CISD1: variants seen among roughly 807,000 people sequenced by gnomAD.
CISD1 encodes the protein CDGSH iron sulfur domain 1.
In CISD1, 8 loss-of-function variants were observed where a neutral mutation model predicts 12.0. The observed-to-expected ratio is 0.67, with a 90% CI of 0.39 to 1.20. The LOEUF is 1.20. Ranked by LOEUF, CISD1 falls within the 50% of genes most tolerant of loss-of-function variation. The pLI is 0.01. For synonymous variants in CISD1, 38 were observed against 42.2 expected (o/e 0.90, Z 0.39); for missense variants, 107 against 132.7 (o/e 0.81, Z 0.95).
rs1429453314 is a variant in CISD1 at position 58,269,163 on chromosome 10, G to C, written c.-111G>C. On this transcript the variant is annotated 5_prime_UTR_variant, in exon 1 of 3. Coordinates refer to ENST00000333926, the MANE Select transcript of CISD1 (RefSeq NM_018464.5). ...GACCCGCCGCGGCGCCTGCGCGGTA[G>C]CATCGCGGAGTCGGTGCTTTAGTAC... 18 of 1,156,216 alleles carry C rather than the reference G, an allele frequency of 1.6e-5. No individual in the cohort carries two copies. Among genetic ancestry groups the C allele is most frequent in the Middle Eastern group, 2.8e-4 (1 of 3,592 alleles). 71.6% of individuals were successfully genotyped at this position (1,156,216 alleles called of 1,614,324 possible).
At chr10:58,282,893 C>T (rs1339508000) in intron 2 of CISD1, 4 of 152,170 alleles carry the variant, frequency 2.6e-5, no homozygotes, top group Non-Finnish European at 1.5e-5. Context: ...TTCCCTGCAA[C>T]TTCAGGTTGG....
At chr10:58,270,657 G>GA (rs1369177847) in intron 1 of CISD1, among the ~76,000 whole-genome samples, 1 of 152,198 alleles carries the variant, frequency 6.6e-6, no homozygotes, top group Non-Finnish European at 1.5e-5. Flanking sequence ...TGAAACGGGT[G>GA]AACCCCTTAG....
chr10:58,270,744 T>G (rs890650625), intron 1 of CISD1, among the ~76,000 whole-genome samples: 13 of 152,384 alleles, frequency 8.5e-5, no homozygotes, highest in Admixed American at 7.8e-4. Flanking sequence ...TGTTTTGTTT[T>G]TCAAGTCTAA....
chr10:58,278,225 T>C (rs1815610), intron 2 of CISD1, among the ~76,000 whole-genome samples: 51,471 of 152,032 alleles, frequency 0.34, 10,966 homozygotes, highest in African/African-American at 0.61. Flanking sequence ...CACTGTACTA[T>C]CACTCTTAGC....
At position 58,269,191 on chromosome 10, in the gene CISD1, C is replaced by A. The variant is rs1038808983; in HGVS notation, c.-83C>A. The A allele has an allele frequency of 2.1e-6, 3 of 1,451,150 alleles. No individual in the cohort carries two copies. The highest frequency in any genetic ancestry group is 2.9e-6 in the Non-Finnish European group (3 of 1,045,898). The allele number at this position is 1,451,150 out of a possible 1,614,324, so 89.9% of individuals were successfully genotyped here. A position where few individuals can be genotyped will look rare whatever the true frequency, so the allele number is the denominator to read the frequency against. On this transcript the variant is annotated 5_prime_UTR_variant, in exon 1 of 3. Coordinates refer to ENST00000333926, the MANE Select transcript of CISD1 (RefSeq NM_018464.5). ...TCGCGGAGTCGGTGCTTTAGTACGC[C>A]GCTGGCACCTTTACTCTCGCCGGCC...
intron 2 of CISD1, among the ~76,000 whole-genome samples, chr10:58,283,246 C>A (rs1839392821): frequency 6.6e-6 from 1 of 152,058 alleles, no homozygotes. Flanking sequence ...AAACGATATT[C>A]TGAATGTTGG....
chr10:58,276,414 A>G (rs751573463), intron 1 of CISD1, among the ~76,000 whole-genome samples: 24 of 151,970 alleles, frequency 1.6e-4, no homozygotes, highest in Non-Finnish European at 4.4e-5. Context: ...GTTTTCTACA[A>G]AATATGAAGT....
intron 2 of CISD1, among the ~76,000 whole-genome samples, chr10:58,278,038 GA>G (rs1332276963): frequency 1.3e-5 from 2 of 152,134 alleles, no homozygotes; most frequent in East Asian, 3.9e-4. Context: ...TTTCTTATAT[GA>G]GAATTGTATT....
intron 2 of CISD1, chr10:58,282,868 T>C (rs1839388090): frequency 6.6e-6 from 1 of 152,158 alleles, no homozygotes; most frequent in South Asian, 2.1e-4. Context: ...TGGGATGTAG[T>C]ATTGCTAGGT....
intron 1 of CISD1, among the ~76,000 whole-genome samples, chr10:58,274,111 C>CG (rs1839282585): frequency 1.3e-5 from 2 of 151,558 alleles, no homozygotes; most frequent in Admixed American, 1.3e-4. Flanking sequence ...CCAGCCTGGG[C>CG]AACAGAGCAA....
At chr10:58,286,666 A>C (rs183266479) in intron 2 of CISD1, among the ~76,000 whole-genome samples, 34 of 152,300 alleles carry the variant, frequency 2.2e-4, no homozygotes, top group Admixed American at 1.3e-3. Flanking sequence ...ACACTCTGCA[A>C]AACACTATGT....
At chr10:58,271,319 C>T (rs1450218840) in intron 1 of CISD1, among the ~76,000 whole-genome samples, 10 of 152,052 alleles carry the variant, frequency 6.6e-5, no homozygotes, top group Non-Finnish European at 1.5e-4. Context: ...GGATTACAGG[C>T]GTGAGCCACC....
intron 2 of CISD1, among the ~76,000 whole-genome samples, chr10:58,287,159 G>A (rs1219410952): frequency 6.6e-6 from 1 of 152,136 alleles, no homozygotes; most frequent in African/African-American, 2.4e-5. Flanking sequence ...GACCTCAAAT[G>A]ATCCACCCAC....
At chr10:58,284,522 G>C (rs934234250) in intron 2 of CISD1, among the ~76,000 whole-genome samples, 5 of 152,164 alleles carry the variant, frequency 3.3e-5, no homozygotes, top group African/African-American at 1.2e-4. Context: ...TTAATCGCAT[G>C]AAAGTTTATT....
intron 1 of CISD1, 64 bp from the exon 2 acceptor site, chr10:58,277,053 G>A: frequency 8.7e-7 from 1 of 1,152,062 alleles, no homozygotes; most frequent in South Asian, 1.5e-5. Context: ...TTTCTGACAT[G>A]CATGTGATAT....
At chr10:58,271,108 C>A (rs1166318490) in intron 1 of CISD1, among the ~76,000 whole-genome samples, 1 of 146,120 alleles carries the variant, frequency 6.8e-6, no homozygotes, top group Non-Finnish European at 1.5e-5. Flanking sequence ...GGCGGGATCT[C>A]GGCTCACTGC....
At chr10:58,269,699 G>T (rs1162958983) in intron 1 of CISD1, among the ~76,000 whole-genome samples, 1 of 152,168 alleles carries the variant, frequency 6.6e-6, no homozygotes, top group Non-Finnish European at 1.5e-5. Flanking sequence ...AGTCAGCGTC[G>T]GGCCACAACG....
chr10:58,274,726 C>T (rs1277404984), intron 1 of CISD1, among the ~76,000 whole-genome samples: 1 of 151,850 alleles, frequency 6.6e-6, no homozygotes, highest in Non-Finnish European at 1.5e-5. Flanking sequence ...GTTTCCATTT[C>T]TTTCAATGAT....
chr10:58,271,126 G>A (rs1839243370), intron 1 of CISD1, among the ~76,000 whole-genome samples: 1 of 146,908 alleles, frequency 6.8e-6, no homozygotes, highest in Admixed American at 6.8e-5. Flanking sequence ...TGCAAGCTCC[G>A]CCTCCCGGGT....
Sources: gnomAD v4.1 joint callset for allele counts (sites outside exome capture counted in the v4.1 genomes callset) on GRCh38, gnomAD v4.1.1 for gene constraint, MANE v1.5 for transcripts, NCBI Gene and HGNC (gene_info 2026-07-23, HGNC 2026-07-21) for gene names.